TAF2: variants seen among roughly 807,000 people sequenced by gnomAD.
TAF2 encodes the protein transcription initiation factor TFIID subunit 2.
A neutral mutation model predicts 138.5 loss-of-function variants in TAF2; 61 were observed. The ratio of observed to expected loss-of-function variants is 0.44; its 90% confidence interval spans 0.36 to 0.54. TAF2 has a LOEUF of 0.54. Ranked by LOEUF, TAF2 falls within the 20% of genes least tolerant of loss-of-function variation. The probability of loss-of-function intolerance (pLI) is 0.00; values close to 1 mark genes in which losing one functional copy is unlikely to be tolerated. For missense variants in TAF2, 1,090 were observed against 1,427.9 expected, an observed-to-expected ratio of 0.76 and a Z score of 3.81; for synonymous variants, 475 against 469.9, an observed-to-expected ratio of 1.01 and a Z score of -0.14.
chr8:119,829,929 G>A (rs1329701398), intron 2 of TAF2, among the ~76,000 whole-genome samples: 2 of 144,404 alleles, frequency 1.4e-5, no homozygotes, highest in Admixed American at 7.1e-5. Flanking sequence ...GCGCGATCTC[G>A]GCTCCCTGCA....
In TAF2 at chr8:119,788,836, A is replaced by C; in HGVS notation, c.1637T>G (p.Leu546Arg). ...AGATGTATAGTCCTGTTTTATTTCC[A>C]GTTCCAAGACATTTCGTTTTCTATT... is the stretch of plus-strand genomic sequence containing the variant. ...AFNRKRNVLE[L>R]EIKQDYTSPG... Residue 546 changes from leucine to arginine, a missense_variant, in exon 13 of 26, where the codon CTG becomes CGG. Transcript: ENST00000378164. 2.5e-6 allele frequency: 4 copies of C among 1,613,996 alleles called. No homozygotes were observed. The highest frequency in any genetic ancestry group is 2.5e-6 in the Non-Finnish European group (3 of 1,179,924).
intron 21 of TAF2, among the ~76,000 whole-genome samples, chr8:119,756,493 A>G (rs1418490946): frequency 6.6e-6 from 1 of 152,196 alleles, no homozygotes; most frequent in Non-Finnish European, 1.5e-5. Flanking sequence ...CTGCTTAGAT[A>G]TATCTACAAT....
chr8:119,767,121 A>T (rs952358691), intron 18 of TAF2: 9 of 152,168 alleles, frequency 5.9e-5, no homozygotes, highest in African/African-American at 2.2e-4. Flanking sequence ...CAATTCTTAT[A>T]ATGTGATTGA....
chr8:119,732,174 G>A lies in TAF2; in HGVS notation c.3350C>T (p.Ala1117Val). 1 of 1,614,132 alleles carries A rather than the reference G, an allele frequency of 6.2e-7. No individual in the cohort carries two copies. The highest frequency in any genetic ancestry group is 2.2e-5 in the East Asian group (1 of 44,870). The change falls in exon 26 of 26, where the codon GCA (alanine) becomes GTA (valine). Residue 1117 changes from alanine (A) to valine (V), a missense_variant. Ala to Val is a moderately conservative substitution (Grantham distance 64). Coordinates refer to ENST00000378164, the MANE Select transcript of TAF2 (RefSeq NM_003184.4). ...LARKGTGKEQ[A>V]PLEMSMHPAA... ...TGGATGCATACTCATCTCCAAAGGTGCTTGTTCTTTACCTTCAAGATTAAA... is the reference window on the plus strand; with the variant it reads ...TGGATGCATACTCATCTCCAAAGGTACTTGTTCTTTACCTTCAAGATTAAA...
At chr8:119,770,869 G>A (rs573238170) in intron 18 of TAF2, among the ~76,000 whole-genome samples, 2 of 152,164 alleles carry the variant, frequency 1.3e-5, no homozygotes, top group East Asian at 3.9e-4. Context: ...TCAGGAGTTC[G>A]AGACTAGCCT....
Position 119,734,490 on chromosome 8 carries a change from T to C in TAF2, c.3338-2304A>G, listed in dbSNP as rs1385876874. Among the ~76,000 whole-genome samples, 3 of 152,322 alleles carry C rather than the reference T, an allele frequency of 2.0e-5. No individual in the cohort carries two copies. The East Asian group carries it at 5.8e-4, about 29-fold the overall frequency. ...TTTTATTTATTGACAGTTCATAATC[T>C]GTCCTGAAGTTACCTTTCCAGCCTT... is the stretch of plus-strand genomic sequence containing the variant. On this transcript the variant is annotated intron_variant, in intron 25 of 25. Transcript: ENST00000378164.
At chr8:119,759,329 G>A (rs1820906160) in intron 20 of TAF2, among the ~76,000 whole-genome samples, 1 of 152,060 alleles carries the variant, frequency 6.6e-6, no homozygotes, top group South Asian at 2.1e-4. Context: ...TTTTCTGACT[G>A]TAAACAAGTA....
At chr8:119,799,016 T>A (rs541194119) in intron 6 of TAF2, among the ~76,000 whole-genome samples, 1 of 152,272 alleles carries the variant, frequency 6.6e-6, no homozygotes, top group Admixed American at 6.5e-5. Context: ...AGTCATGTAT[T>A]TGACACAGAG....
chr8:119,782,993 A>G (rs1160917933), intron 16 of TAF2, among the ~76,000 whole-genome samples: 2 of 123,554 alleles, frequency 1.6e-5, no homozygotes, highest in East Asian at 4.5e-4. Flanking sequence ...AAAAAACAAA[A>G]TACACACACC....
At chr8:119,791,559 G>A (rs879507135) in intron 10 of TAF2, 100 bp from the exon 11 acceptor site, 2 of 1,376,922 alleles carry the variant, frequency 1.5e-6, no homozygotes, top group Admixed American at 2.2e-5. Context: ...AAAACCTCAG[G>A]AGAATATATA....
chr8:119,806,472 T>A, intron 3 of TAF2, 71 bp from the exon 4 acceptor site: 20 of 229,522 alleles, frequency 8.7e-5, no homozygotes, highest in Non-Finnish European at 1.0e-4. Flanking sequence ...TTTCTTTCTT[T>A]TTTTTTTTTT....
At chr8:119,824,915 C>T (rs1826006755) in intron 2 of TAF2, among the ~76,000 whole-genome samples, 1 of 152,226 alleles carries the variant, frequency 6.6e-6, no homozygotes, top group Non-Finnish European at 1.5e-5. Flanking sequence ...CACAGAGAAC[C>T]TCTCCTAGGC....
At chr8:119,782,449 A>T (rs549860407) in intron 16 of TAF2, among the ~76,000 whole-genome samples, 2 of 152,348 alleles carry the variant, frequency 1.3e-5, no homozygotes, top group Admixed American at 1.3e-4. Flanking sequence ...TTTATCAAGG[A>T]AAATCACTGC....
chr8:119,819,710 C>T (rs1299737150), intron 2 of TAF2, among the ~76,000 whole-genome samples: 1 of 152,028 alleles, frequency 6.6e-6, no homozygotes, highest in Non-Finnish European at 1.5e-5. Flanking sequence ...TATACTTTAT[C>T]ATCCTGGTGG....
At chr8:119,783,669 T>G in intron 15 of TAF2, 36 bp from the exon 16 acceptor site, 1 of 1,578,524 alleles carries the variant, frequency 6.3e-7, no homozygotes, top group Non-Finnish European at 8.6e-7. Flanking sequence ...TAATTTAATT[T>G]TTAAACTTAT....
intron 9 of TAF2, 31 bp downstream of exon 9, chr8:119,795,501 G>A (rs774000483): frequency 6.4e-7 from 1 of 1,556,718 alleles, no homozygotes; most frequent in South Asian, 1.1e-5. Flanking sequence ...CATAAGACTT[G>A]TAAGTGGATA....
Position 119,797,063 on chromosome 8 carries a change from G to A in TAF2, c.1018C>T (p.Pro340Ser), listed in dbSNP as rs764273586. 1.9e-6 allele frequency: 3 copies of A among 1,613,214 alleles called. No individual in the cohort carries two copies. In the South Asian group the frequency reaches 3.3e-5, roughly 18 times the overall value. ...LHSAMIIDET[P>S]LTRRCLAQSL... is the part of the protein sequence containing the mutation. ...TGGGCTAAACACCTTCTAGTCAAAG[G>A]TGTCTCATCTATAATCATGGCACTG... The change falls in exon 8 of 26, where the codon CCT becomes TCT. Residue 340 changes from proline (P) to serine (S), a missense_variant. Coordinates refer to ENST00000378164, the MANE Select transcript of TAF2 (RefSeq NM_003184.4).
At chr8:119,733,289 A>C (rs974363208) in intron 25 of TAF2, among the ~76,000 whole-genome samples, 1 of 152,208 alleles carries the variant, frequency 6.6e-6, no homozygotes, top group Non-Finnish European at 1.5e-5. Flanking sequence ...AATGAACTCT[A>C]AGAAGATTCA....
chr8:119,777,483 T>C (rs1344849734), intron 18 of TAF2, among the ~76,000 whole-genome samples: 2 of 152,188 alleles, frequency 1.3e-5, no homozygotes, highest in East Asian at 1.9e-4. Flanking sequence ...TAGCACAGCA[T>C]ATACTCTTAA....
Sources: gnomAD v4.1 joint callset for allele counts (sites outside exome capture counted in the v4.1 genomes callset) on GRCh38, gnomAD v4.1.1 for gene constraint, MANE v1.5 for transcripts, NCBI Gene and HGNC (gene_info 2026-07-23, HGNC 2026-07-21) for gene names.